The following VAT1L variants were observed in gnomAD, a reference collection of about 807,000 sequenced individuals.
VAT1L encodes the protein putative NADPH-dependent quinone oxidoreductase VAT1L.
A neutral mutation model predicts 44.1 loss-of-function variants in VAT1L; 34 were observed. That is an observed-to-expected ratio of 0.77 (90% CI 0.59 to 1.03). The LOEUF is 1.03. Ranked by LOEUF, VAT1L falls within the 50% of genes least tolerant of loss-of-function variation. The pLI, the probability that VAT1L is intolerant of heterozygous loss-of-function variation, is 0.00. For synonymous variants in VAT1L, 253 were observed against 202.2 expected, an observed-to-expected ratio of 1.25 and a Z score of -2.13; for missense variants, 615 against 538.8, an observed-to-expected ratio of 1.14 and a Z score of -1.40.
chr16:77,799,263 C>G (rs2015997031), intron 1 of VAT1L, among the ~76,000 whole-genome samples: 2 of 142,822 alleles, frequency 1.4e-5, no homozygotes, highest in Non-Finnish European at 3.1e-5. Context: ...CCCCTCCCCT[C>G]CTTCTTCTCT....
rs1405411445 is a variant in VAT1L at position 77,962,730 on chromosome 16, A to AGG, written c.1078-9120_1078-9119insGG. 1.9e-4 allele frequency among the ~76,000 whole-genome samples: 26 copies of AGG among 136,988 alleles called. 1 individual carries two copies. In the East Asian group the frequency reaches 5.8e-3, roughly 30 times the overall value. The allele number at this position is 136,988 out of a possible 152,430, so 89.9% of individuals were successfully genotyped here. Reference sequence around the variant, plus strand: ...AGACCTTTTCTCTACAAAAGAAGGAAAGAAGGAAAGAAGGAAGGAAGGAAG... The same window carrying AGG: ...AGACCTTTTCTCTACAAAAGAAGGAAGGAGAAGGAAAGAAGGAAGGAAGGAAG... On this transcript the variant is annotated intron_variant, in intron 7 of 8. Coordinates refer to ENST00000302536, the MANE Select transcript of VAT1L (RefSeq NM_020927.3).
chr16:77,792,736 C>A (rs1443214905), intron 1 of VAT1L, among the ~76,000 whole-genome samples: 7 of 152,146 alleles, frequency 4.6e-5, no homozygotes, highest in South Asian at 2.1e-4. Context: ...GGGTGAGGTA[C>A]AAACCACGCC....
intron 1 of VAT1L, among the ~76,000 whole-genome samples, chr16:77,797,487 T>C (rs996861393): frequency 9.9e-5 from 15 of 152,178 alleles, no homozygotes; most frequent in Non-Finnish European, 1.6e-4. Context: ...ACTGATCTAT[T>C]GCTGCCCTCC....
At chr16:77,977,314 C>G (rs917597220) in intron 8 of VAT1L, among the ~76,000 whole-genome samples, 1 of 152,160 alleles carries the variant, frequency 6.6e-6, no homozygotes, top group South Asian at 2.1e-4. Flanking sequence ...ACTAACATAC[C>G]CTGCATTGGA....
intron 7 of VAT1L, among the ~76,000 whole-genome samples, chr16:77,929,435 A>G (rs957166114): frequency 6.6e-6 from 1 of 152,204 alleles, no homozygotes; most frequent in African/African-American, 2.4e-5. Flanking sequence ...AATTTCCTTC[A>G]GTGTTTAATA....
chr16:77,826,659 G>A (rs2016526805), intron 3 of VAT1L, among the ~76,000 whole-genome samples: 1 of 152,130 alleles, frequency 6.6e-6, no homozygotes, highest in Admixed American at 6.5e-5. Context: ...TTGCATGCCT[G>A]CTACATGGCA....
chr16:77,872,792 C>T (rs972954182), intron 4 of VAT1L, among the ~76,000 whole-genome samples: 1 of 152,218 alleles, frequency 6.6e-6, no homozygotes, highest in Non-Finnish European at 1.5e-5. Context: ...ACACCATGAG[C>T]TCCTGGATGG....
At chr16:77,871,034 T>C (rs186868676) in intron 4 of VAT1L, among the ~76,000 whole-genome samples, 14 of 152,266 alleles carry the variant, frequency 9.2e-5, no homozygotes, top group African/African-American at 3.1e-4. Flanking sequence ...GGGTCTGTCA[T>C]AGAAGGGACT....
intron 8 of VAT1L, among the ~76,000 whole-genome samples, chr16:77,974,510 G>T (rs1014041703): frequency 2.6e-5 from 4 of 152,120 alleles, no homozygotes; most frequent in African/African-American, 9.7e-5. Context: ...CAGGGTAAAG[G>T]CACAGGATCT....
chr16:77,808,036 GCCAC>G, intron 1 of VAT1L, among the ~76,000 whole-genome samples: 1 of 151,704 alleles, frequency 6.6e-6, no homozygotes, highest in Non-Finnish European at 1.5e-5. Flanking sequence ...GGCTCCCTGG[GCCAC>G]AGACCAGTAC....
intron 4 of VAT1L, among the ~76,000 whole-genome samples, chr16:77,866,904 T>C (rs967707406): frequency 1.3e-5 from 2 of 152,102 alleles, no homozygotes; most frequent in Admixed American, 6.5e-5. Context: ...AGAGAGCACG[T>C]CAAGATGGAC....
At chr16:77,974,793 T>A (rs1446151063) in intron 8 of VAT1L, among the ~76,000 whole-genome samples, 1 of 152,058 alleles carries the variant, frequency 6.6e-6, no homozygotes, top group Admixed American at 6.5e-5. Context: ...GGTTTTGAAC[T>A]CCTGACCCCA....
intron 4 of VAT1L, among the ~76,000 whole-genome samples, chr16:77,869,921 AC>A (rs2017013304): frequency 6.6e-6 from 1 of 152,180 alleles, no homozygotes; most frequent in Non-Finnish European, 1.5e-5. Context: ...CAGAGATCAG[AC>A]CGAACTCCTG....
At chr16:77,950,409 A>AACACACACACAC (rs61168492) in intron 7 of VAT1L, among the ~76,000 whole-genome samples, 4,825 of 131,292 alleles carry the variant, frequency 0.037, 156 homozygotes, top group East Asian at 0.053. Flanking sequence ...ATTCCATCTA[A>AACACACACACAC]ACACACACAC....
rs544113525 is a variant in VAT1L at position 77,926,029 on chromosome 16, G to A, written c.1077+41227G>A. On this transcript the variant is annotated intron_variant, in intron 7 of 8. Coordinates refer to ENST00000302536, the MANE Select transcript of VAT1L (RefSeq NM_020927.3). The stretch of plus-strand genomic sequence containing the variant: ...TGTAATCCTAGCACTTTGGGAGGCC[G>A]AGGCGGGTGGGTCACGAGGTCAGGA... Among the ~76,000 whole-genome samples, 10 of 152,084 alleles carry A rather than the reference G, an allele frequency of 6.6e-5. No individual in the cohort carries two copies. The South Asian group carries it at 8.3e-4, about 13-fold the overall frequency.
chr16:77,911,443 C>T (rs1336349383), intron 7 of VAT1L, among the ~76,000 whole-genome samples: 1 of 152,126 alleles, frequency 6.6e-6, no homozygotes, highest in Non-Finnish European at 1.5e-5. Flanking sequence ...CAGGCCCCTG[C>T]CCAAGGCCCT....
At chr16:77,846,553 T>C (rs1283964617) in intron 3 of VAT1L, among the ~76,000 whole-genome samples, 2 of 152,186 alleles carry the variant, frequency 1.3e-5, no homozygotes, top group Non-Finnish European at 2.9e-5. Flanking sequence ...CAGCAGTTCT[T>C]CCAGCAATGA....
intron 4 of VAT1L, among the ~76,000 whole-genome samples, chr16:77,869,774 G>A (rs955217860): frequency 6.6e-6 from 1 of 152,164 alleles, no homozygotes; most frequent in Non-Finnish European, 1.5e-5. Flanking sequence ...AGCCAAAGGA[G>A]CACAAAGCCC....
intron 7 of VAT1L, among the ~76,000 whole-genome samples, chr16:77,896,739 A>C (rs2017328908): frequency 6.6e-6 from 1 of 152,252 alleles, no homozygotes; most frequent in South Asian, 2.1e-4. Flanking sequence ...AGCGTGTTGC[A>C]GAATTAGGCT....
Sources: gnomAD v4.1 joint callset for allele counts (sites outside exome capture counted in the v4.1 genomes callset) on GRCh38, gnomAD v4.1.1 for gene constraint, MANE v1.5 for transcripts, NCBI Gene and HGNC (gene_info 2026-07-23, HGNC 2026-07-21) for gene names.